The following XKR4 variants were observed in gnomAD, a reference collection of about 807,000 sequenced individuals.
XKR4 encodes XK-related protein 4.
A neutral mutation model predicts 53.9 loss-of-function variants in XKR4; 12 were observed. The ratio of observed to expected loss-of-function variants is 0.22; its 90% CI spans 0.14 to 0.36. XKR4 has a LOEUF of 0.36. Among genes scored for constraint, XKR4 ranks in the 10% least tolerant of loss-of-function variants. The pLI is 1.00. For missense variants in XKR4, 799 were observed against 859.5 expected, an observed-to-expected ratio of 0.93 and a Z score of 0.88; for synonymous variants, 354 against 362.4, an observed-to-expected ratio of 0.98 and a Z score of 0.26.
At chr8:55,426,329 C>T (rs899509412) in intron 2 of XKR4, among the ~76,000 whole-genome samples, 2 of 152,028 alleles carry the variant, frequency 1.3e-5, no homozygotes, top group East Asian at 3.8e-4. Context: ...CAAGTATTTT[C>T]TTCTCCTGAA....
chr8:55,492,859 A>C (rs1806291098), intron 2 of XKR4, among the ~76,000 whole-genome samples: 1 of 152,188 alleles, frequency 6.6e-6, no homozygotes, highest in African/African-American at 2.4e-5. Flanking sequence ...CTCTCCTGGC[A>C]TTATCAAACT....
Position 55,399,307 on chromosome 8 carries a change from G to C in XKR4, c.1006+41430G>C, listed in dbSNP as rs368289335. ...TGAATGTCTGCTATGGAAGGAGGCA[G>C]AAAGTACCAAAGGAAAAGATAATTC... On this transcript the variant is annotated intron_variant, in intron 2 of 2. Transcript: ENST00000327381. Among the ~76,000 whole-genome samples the C allele has an allele frequency of 8.5e-4, 129 of 152,298 alleles. 3 individuals carry two copies. In the South Asian group the frequency reaches 0.026, roughly 30 times the overall value.
intron 2 of XKR4, among the ~76,000 whole-genome samples, chr8:55,392,981 C>CTGTTGATGA (rs1459290358): frequency 1.3e-5 from 2 of 151,676 alleles, no homozygotes; most frequent in African/African-American, 2.4e-5. Context: ...CCAAATTCCC[C>CTGTTGATGA]TGTTGATGAG....
chr8:55,204,883 T>C (rs1817624892), intron 1 of XKR4, among the ~76,000 whole-genome samples: 2 of 152,228 alleles, frequency 1.3e-5, no homozygotes, highest in South Asian at 4.1e-4. Context: ...CACATTTTGA[T>C]AGTAGATACA....
chr8:55,171,160 G>A (rs1237260743), intron 1 of XKR4, among the ~76,000 whole-genome samples: 1 of 152,194 alleles, frequency 6.6e-6, no homozygotes, highest in African/African-American at 2.4e-5. Flanking sequence ...TCAGGAAATA[G>A]TGAAGATGAT....
intron 1 of XKR4, among the ~76,000 whole-genome samples, chr8:55,166,188 T>C (rs1460753975): frequency 6.6e-6 from 1 of 152,176 alleles, no homozygotes; most frequent in African/African-American, 2.4e-5. Context: ...AATAAAAAAT[T>C]GCTCAATTCA....
chr8:55,454,647 C>G, intron 2 of XKR4: 1 of 1,052,106 alleles, frequency 9.5e-7, no homozygotes, highest in Non-Finnish European at 1.5e-6. Context: ...GCACGGTGCA[C>G]GTCAGCAGGT....
At chr8:55,119,740 G>A (rs1023153530) in intron 1 of XKR4, among the ~76,000 whole-genome samples, 1 of 152,220 alleles carries the variant, frequency 6.6e-6, no homozygotes, top group African/African-American at 2.4e-5. Context: ...GGAAAAGGAA[G>A]TGTGAGTGAG....
intron 2 of XKR4, among the ~76,000 whole-genome samples, chr8:55,496,715 T>C (rs1479521900): frequency 6.6e-6 from 1 of 152,236 alleles, no homozygotes; most frequent in Non-Finnish European, 1.5e-5. Flanking sequence ...CTCTATATGT[T>C]ATATATCCTA....
intron 1 of XKR4, among the ~76,000 whole-genome samples, chr8:55,113,313 AG>A (rs1253745171): frequency 1.3e-5 from 2 of 152,216 alleles, no homozygotes; most frequent in Non-Finnish European, 2.9e-5. Flanking sequence ...TGCATCTGTT[AG>A]CTAGTGGAAG....
At chr8:55,474,087 T>C (rs1442646733) in intron 2 of XKR4, among the ~76,000 whole-genome samples, 1 of 152,072 alleles carries the variant, frequency 6.6e-6, no homozygotes, top group Non-Finnish European at 1.5e-5. Context: ...TTTAATTTTA[T>C]TTTTATAGAG....
chr8:55,481,707 CA>C (rs1283660717), intron 2 of XKR4, among the ~76,000 whole-genome samples: 1 of 151,748 alleles, frequency 6.6e-6, no homozygotes, highest in Non-Finnish European at 1.5e-5. Context: ...AAGAAAAAAA[CA>C]AACAACCCCA....
intron 1 of XKR4, among the ~76,000 whole-genome samples, chr8:55,170,689 A>G (rs1817145317): frequency 6.6e-6 from 1 of 152,162 alleles, no homozygotes; most frequent in African/African-American, 2.4e-5. Flanking sequence ...CTGATTATTG[A>G]TTACACCCAT....
intron 1 of XKR4, among the ~76,000 whole-genome samples, chr8:55,170,709 G>A (rs1013572799): frequency 2.0e-5 from 3 of 152,154 alleles, no homozygotes; most frequent in African/African-American, 7.2e-5. Context: ...TTTTAACCTG[G>A]CAGGCATAAC....
intron 1 of XKR4, among the ~76,000 whole-genome samples, chr8:55,187,029 G>C (rs1228129416): frequency 2.6e-5 from 4 of 152,004 alleles, no homozygotes; most frequent in African/African-American, 9.6e-5. Context: ...CTAATCCACA[G>C]AGAATATTTG....
At chr8:55,192,720 G>T (rs937154057) in intron 1 of XKR4, among the ~76,000 whole-genome samples, 1 of 152,194 alleles carries the variant, frequency 6.6e-6, no homozygotes, top group Non-Finnish European at 1.5e-5. Flanking sequence ...TAATCTCGGG[G>T]TCATTATTCT....
At chr8:55,333,335 T>G (rs1000670877) in intron 1 of XKR4, among the ~76,000 whole-genome samples, 2 of 152,144 alleles carry the variant, frequency 1.3e-5, no homozygotes, top group African/African-American at 4.8e-5. Flanking sequence ...TTTGAACAAA[T>G]AGCCACCCCT....
intron 2 of XKR4, among the ~76,000 whole-genome samples, chr8:55,438,030 T>C (rs1805201651): frequency 2.0e-5 from 3 of 150,826 alleles, no homozygotes; most frequent in Admixed American, 2.0e-4. Context: ...AGATTAAAAC[T>C]GAAAAGGTTC....
chr8:55,524,915 C>G lies in XKR4; in HGVS notation c.*688C>G, dbSNP rs112982723. 6 of 152,530 alleles carry G rather than the reference C, an allele frequency of 3.9e-5. No homozygotes were observed. The highest frequency in any genetic ancestry group is 8.8e-5 in the Non-Finnish European group (6 of 68,030). The allele number at this position is 152,530 out of a possible 1,614,324, so 9.4% of individuals were successfully genotyped here. A position where few individuals can be genotyped will look rare whatever the true frequency, so the allele number is the denominator to read the frequency against. ...GTTTTATATTTTAAATTTTCAGTTG[C>G]GAACATCCTTTTTGACAGAAATCCT... On this transcript the variant is annotated 3_prime_UTR_variant, in exon 3 of 3. Transcript: ENST00000327381.
Sources: gnomAD v4.1 joint callset for allele counts (sites outside exome capture counted in the v4.1 genomes callset) on GRCh38, gnomAD v4.1.1 for gene constraint, MANE v1.5 for transcripts, NCBI Gene and HGNC (gene_info 2026-07-23, HGNC 2026-07-21) for gene names.